The following GPAT3 variants were observed in gnomAD, a reference collection of about 807,000 sequenced individuals.
GPAT3 encodes the protein 1-AGP acyltransferase 9.
A neutral mutation model predicts 58.8 loss-of-function variants in GPAT3; 53 were observed. The observed-to-expected ratio is 0.90, with a 90% CI of 0.72 to 1.13. The LOEUF (loss-of-function observed/expected upper bound fraction) is 1.13. Ranked by LOEUF, GPAT3 falls within the 50% of genes most tolerant of loss-of-function variation. GPAT3 has a pLI of 0.00. For missense variants in GPAT3, 511 were observed against 527.6 expected (o/e 0.97, Z 0.31); for synonymous variants, 197 against 187.4 (o/e 1.05, Z -0.42).
intron 2 of GPAT3, among the ~76,000 whole-genome samples, chr4:83,561,171 T>A (rs1330030923): frequency 1.3e-5 from 2 of 152,218 alleles, no homozygotes; most frequent in African/African-American, 4.8e-5. Flanking sequence ...AACATCCTTT[T>A]GCAACCAGCA....
intron 2 of GPAT3, among the ~76,000 whole-genome samples, chr4:83,554,032 C>T (rs191515538): frequency 5.9e-5 from 9 of 152,084 alleles, no homozygotes; most frequent in African/African-American, 2.2e-4. Context: ...CCTCTGTTGC[C>T]TAGGCTAGAG....
chr4:83,547,580 A>G (rs1370160791), intron 2 of GPAT3, among the ~76,000 whole-genome samples: 1 of 145,596 alleles, frequency 6.9e-6, no homozygotes, highest in Admixed American at 6.9e-5. Context: ...AGTGAAACAC[A>G]TTTTTTTTTT....
intron 2 of GPAT3, among the ~76,000 whole-genome samples, chr4:83,555,415 G>C (rs559187541): frequency 6.6e-6 from 1 of 151,578 alleles, no homozygotes; most frequent in African/African-American, 2.4e-5. Flanking sequence ...TATGGAAGCT[G>C]ATGTCATGAA....
rs571345116 is a variant in GPAT3 at position 83,596,338 on chromosome 4, G to A, written c.855-520G>A. 2.0e-5 allele frequency among the ~76,000 whole-genome samples: 3 copies of A among 152,184 alleles called. No individual in the cohort carries two copies. The South Asian group carries it at 6.2e-4, about 32-fold the overall frequency. ...GAAGACACTGAAAATCACTTACTTT[G>A]GTCCAGGCACATTGGCTCATGCCTG... On this transcript the variant is annotated intron_variant, in intron 7 of 11. Transcript: ENST00000264409.
chr4:83,598,176 A>C lies in GPAT3; in HGVS notation c.1122A>C (p.Arg374Ser). ...TGTGGTACATGCCCCCCATGACCAG[A>C]GAGGTATTCCTTAGCTAACACTTTA... is the stretch of plus-strand genomic sequence containing the variant. ...CDVWYMPPMT[R>S]EEGEDAVQFA... is the part of the protein sequence containing the mutation. Residue 374 changes from arginine (R) to serine (S), a missense_variant, in exon 10 of 12, where the codon AGA (arginine) becomes AGC (serine). By Grantham distance (110) the Arg-to-Ser change is moderately radical. Transcript: ENST00000264409. 6.2e-7 allele frequency: 1 copy of C among 1,612,260 alleles called. No homozygotes were observed. Among genetic ancestry groups the C allele is most frequent in the Non-Finnish European group, 8.5e-7 (1 of 1,179,466 alleles).
intron 2 of GPAT3, among the ~76,000 whole-genome samples, chr4:83,556,160 A>G (rs1337842673): frequency 6.6e-6 from 1 of 152,336 alleles, no homozygotes; most frequent in East Asian, 1.9e-4. Context: ...AGTTTTATGA[A>G]TGCTTCTGTG....
chr4:83,580,186 T>G lies in GPAT3; in HGVS notation c.209-1376T>G, dbSNP rs578101962. On this transcript the variant is annotated intron_variant, in intron 2 of 11. Transcript: ENST00000264409. ...TAGTCATTTTTCAATTCATAAAAAT[T>G]TATGCTGCTTTAAAAAATCATTTAA... is the stretch of plus-strand genomic sequence containing the variant. Among the ~76,000 whole-genome samples the G allele has an allele frequency of 1.1e-4, 16 of 152,314 alleles. No individual in the cohort carries two copies. In the South Asian group the frequency reaches 1.5e-3, roughly 14 times the overall value.
At position 83,604,817 on chromosome 4, in the gene GPAT3, T is replaced by C. The variant is rs769158144; in HGVS notation, c.*50T>C. 2 of 1,375,406 alleles carry C rather than the reference T, an allele frequency of 1.5e-6. No homozygotes were observed. Among genetic ancestry groups the C allele is most frequent in the Admixed American group, 2.3e-5 (1 of 44,122 alleles). The allele number at this position is 1,375,406 out of a possible 1,614,324, so 85.2% of individuals were successfully genotyped here. ...CTAGAACTAGCCCTTAGAAATGGAA[T>C]GGCTTTTTTTGTTTTGTTTTGTTTT... On this transcript the variant is annotated 3_prime_UTR_variant, in exon 12 of 12. Coordinates refer to ENST00000264409, the MANE Select transcript of GPAT3 (RefSeq NM_032717.5).
chr4:83,583,598 C>G (rs563771528), intron 3 of GPAT3, among the ~76,000 whole-genome samples: 2 of 126,998 alleles, frequency 1.6e-5, no homozygotes, highest in East Asian at 5.0e-4. Flanking sequence ...ACCCAGGAGG[C>G]AGAGGTTGCA....
Position 83,588,217 on chromosome 4 carries a change from A to G in GPAT3, c.562A>G (p.Asn188Asp). ...TGTTTCTATTTCCTTCAGCCTCAAA[A>G]ACTGGCTGAGTGAACTGGTCCATCT... ...VGQLPDSSLKNWLSELVHLTC... is the reference protein window; with the variant it reads ...VGQLPDSSLKDWLSELVHLTC... Residue 188 changes from asparagine to aspartate, a missense_variant, in exon 5 of 12, where the codon AAC (asparagine) becomes GAC (aspartate). Transcript: ENST00000264409. 6.2e-7 allele frequency: 1 copy of G among 1,613,986 alleles called. No individual in the cohort carries two copies. Among genetic ancestry groups the G allele is most frequent in the Non-Finnish European group, 8.5e-7 (1 of 1,179,924 alleles).
At chr4:83,579,071 T>C (rs1306681181) in intron 2 of GPAT3, among the ~76,000 whole-genome samples, 316 of 26,578 alleles carry the variant, frequency 0.012, 33 homozygotes, top group Middle Eastern at 0.028. Flanking sequence ...TCTTTCTTTC[T>C]TTCTTTCTTC....
chr4:83,603,223 C>G (rs1727125549), intron 11 of GPAT3, among the ~76,000 whole-genome samples: 1 of 152,174 alleles, frequency 6.6e-6, no homozygotes, highest in South Asian at 2.1e-4. Flanking sequence ...AGATTAGGAG[C>G]CAGATAGTGA....
chr4:83,581,513 A>G (rs536985473), intron 2 of GPAT3, 49 bp from the exon 3 acceptor site: 11 of 1,567,638 alleles, frequency 7.0e-6, no homozygotes, highest in East Asian at 2.2e-5. Context: ...CTTTTGGTCA[A>G]TTCTTCTGTC....
rs1724074694 is a variant in GPAT3, at chr4:83,536,205, CCGTG to C, written c.-417_-414del. On this transcript the variant is annotated 5_prime_UTR_variant, in exon 1 of 12. Transcript: ENST00000264409. ...AGGGAACCTGGCTCGGGGAGGGCCT[CCGTG>C]AGTCATCTGCTGAGTTGTCGCAATC... The C allele has an allele frequency of 2.0e-6, 2 of 988,890 alleles. No homozygotes were observed. Among genetic ancestry groups the C allele is most frequent in the Non-Finnish European group, 2.4e-6 (2 of 832,340 alleles). 61.3% of individuals were successfully genotyped at this position (988,890 alleles called of 1,614,324 possible).
chr4:83,542,836 A>G (rs1173313728), intron 1 of GPAT3, among the ~76,000 whole-genome samples: 1 of 151,966 alleles, frequency 6.6e-6, no homozygotes, highest in Admixed American at 6.6e-5. Context: ...CATCTCTACT[A>G]AAAATACAAA....
intron 2 of GPAT3, among the ~76,000 whole-genome samples, chr4:83,559,018 T>C (rs1232820724): frequency 6.6e-6 from 1 of 152,198 alleles, no homozygotes; most frequent in Non-Finnish European, 1.5e-5. Flanking sequence ...AAAAGAATTA[T>C]ATTGTATATA....
chr4:83,551,579 G>C (rs1352018314), intron 2 of GPAT3, among the ~76,000 whole-genome samples: 4 of 151,832 alleles, frequency 2.6e-5, no homozygotes, highest in Admixed American at 6.6e-5. Flanking sequence ...GGATCACGAG[G>C]TCAAGAAATC....
At chr4:83,589,525 T>C (rs1726511184) in intron 5 of GPAT3, among the ~76,000 whole-genome samples, 1 of 152,220 alleles carries the variant, frequency 6.6e-6, no homozygotes, top group Non-Finnish European at 1.5e-5. Flanking sequence ...GTATTTGCTG[T>C]CTGGCCCTTG....
chr4:83,567,836 G>A (rs1725461588), intron 2 of GPAT3, among the ~76,000 whole-genome samples: 1 of 152,008 alleles, frequency 6.6e-6, no homozygotes, highest in Admixed American at 6.6e-5. Context: ...TGCATATGTA[G>A]GTATTTTTTT....
Sources: allele counts gnomAD v4.1 joint callset (sites outside exome capture counted in the v4.1 genomes callset), GRCh38; gene constraint gnomAD v4.1.1; transcripts MANE v1.5; gene names NCBI Gene and HGNC (gene_info 2026-07-23, HGNC 2026-07-21).